Variants in OCA2 observed in about 807,000 individuals in gnomAD.
OCA2 encodes P protein.
OCA2 carries 77 observed loss-of-function variants against 100.2 expected under a neutral mutation model. The observed-to-expected ratio is 0.77, with a 90% CI of 0.64 to 0.93. The LOEUF (loss-of-function observed/expected upper bound fraction) is 0.93. OCA2 is among the 40% of genes least tolerant of loss of function. The pLI is 0.00. For synonymous variants in OCA2, 432 were observed against 439.2 expected, an observed-to-expected ratio of 0.98 and a Z score of 0.21; for missense variants, 1,062 against 1,089.1, an observed-to-expected ratio of 0.98 and a Z score of 0.35.
chr15:27,929,819 T>A (rs2039179851), intron 18 of OCA2, among the ~76,000 whole-genome samples: 1 of 151,502 alleles, frequency 6.6e-6, no homozygotes, highest in African/African-American at 2.4e-5. Flanking sequence ...ACAATTCAAA[T>A]GGGAAATATT....
the OCA2 span, among the ~76,000 whole-genome samples, chr15:27,746,353 C>T: frequency 1.3e-5 from 2 of 151,942 alleles, no homozygotes; most frequent in African/African-American, 2.4e-5. Context: ...CCCAGCTACT[C>T]GGGAGGCTGA....
intron 23 of OCA2, among the ~76,000 whole-genome samples, chr15:27,816,929 T>G (rs2078835306): frequency 1.3e-5 from 2 of 152,166 alleles, no homozygotes. Flanking sequence ...TAAGATGGGC[T>G]GATCACACCC....
chr15:27,885,246 T>C (rs1024918997), intron 19 of OCA2, among the ~76,000 whole-genome samples: 3 of 152,196 alleles, frequency 2.0e-5, no homozygotes, highest in African/African-American at 7.2e-5. Context: ...AACATGAAAT[T>C]ATTATATGCA....
chr15:27,945,242 G>C lies in OCA2; in HGVS notation c.1951+6542C>G, dbSNP rs956613394. 9.2e-5 allele frequency among the ~76,000 whole-genome samples: 14 copies of C among 152,140 alleles called. 1 individual carries two copies. The highest frequency in any genetic ancestry group is 8.5e-4 in the Admixed American group (13 of 15,268). The stretch of plus-strand genomic sequence containing the variant: ...CACTCCAGGCCACATCTCACCACTT[G>C]TTCCCGTCCACCTGCTCAGAATTTC... On this transcript the variant is annotated intron_variant, in intron 18 of 23. Coordinates refer to ENST00000354638, the MANE Select transcript of OCA2 (RefSeq NM_000275.3).
At chr15:27,818,750 G>A (rs2034400233) in intron 23 of OCA2, among the ~76,000 whole-genome samples, 1 of 152,218 alleles carries the variant, frequency 6.6e-6, no homozygotes, top group Admixed American at 6.5e-5. Context: ...CTAAGCAGAA[G>A]AACTGATTGT....
intron 23 of OCA2, among the ~76,000 whole-genome samples, chr15:27,821,620 A>C (rs965500862): frequency 6.8e-6 from 1 of 147,380 alleles, no homozygotes; most frequent in Non-Finnish European, 1.5e-5. Context: ...GTACACATAC[A>C]TGTGTGCACA....
intron 23 of OCA2, among the ~76,000 whole-genome samples, chr15:27,822,012 A>G (rs948509164): frequency 1.3e-5 from 2 of 152,202 alleles, no homozygotes; most frequent in Non-Finnish European, 2.9e-5. Flanking sequence ...CTGTGTTCCA[A>G]TAAAACTTCA....
At chr15:27,890,191 A>C (rs1422701110) in intron 19 of OCA2, among the ~76,000 whole-genome samples, 2 of 152,250 alleles carry the variant, frequency 1.3e-5, no homozygotes, top group East Asian at 3.8e-4. Context: ...GGTGGAATGG[A>C]GCCTCAGGGA....
rs1467022914 is a variant in OCA2 at position 27,989,657 on chromosome 15, G to C, written c.1126C>G (p.Leu376Val). Residue 376 changes from leucine (L) to valine (V), a missense_variant, in exon 11 of 24, where the codon CTG (leucine) becomes GTG (valine). Leu to Val is a conservative substitution (Grantham distance 32). Transcript: ENST00000354638. ...ALAVIGDRPS[L>V]THVVEWIDFE... The stretch of plus-strand genomic sequence containing the variant: ...TCAATCCACTCCACCACATGGGTCA[G>C]GCTGGGTCTCTGCAATCAAAGCACA... 1 of 1,614,126 alleles carries C rather than the reference G, an allele frequency of 6.2e-7. No individual in the cohort carries two copies. The highest frequency in any genetic ancestry group is 1.1e-5 in the South Asian group (1 of 91,086).
intron 14 of OCA2, 21 bp downstream of exon 14, chr15:27,983,324 C>G: frequency 1.2e-6 from 2 of 1,613,980 alleles, no homozygotes; most frequent in Non-Finnish European, 1.7e-6. Context: ...CTGGAAGCAA[C>G]CCTAGCATGC....
chr15:27,927,027 C>T (rs141929292), intron 18 of OCA2, among the ~76,000 whole-genome samples: 52 of 152,302 alleles, frequency 3.4e-4, no homozygotes, highest in African/African-American at 1.1e-3. Context: ...CGATGGCTCA[C>T]GCCTGTAATC....
chr15:27,939,428 A>G (rs978322783), intron 18 of OCA2, among the ~76,000 whole-genome samples: 3 of 152,184 alleles, frequency 2.0e-5, no homozygotes, highest in African/African-American at 7.2e-5. Context: ...TGCTCCCTAG[A>G]TATCATGAAG....
intron 18 of OCA2, among the ~76,000 whole-genome samples, chr15:27,939,834 A>G (rs1248605426): frequency 1.3e-5 from 2 of 152,236 alleles, no homozygotes; most frequent in East Asian, 3.8e-4. Context: ...TCTGCATTAA[A>G]CACGGAATGC....
rs772076517 is a variant in OCA2 at position 28,081,784 on chromosome 15, G to C, written c.91C>G (p.Leu31Val). 6.2e-7 allele frequency: 1 copy of C among 1,613,190 alleles called. No individual in the cohort carries two copies. Among genetic ancestry groups the C allele is most frequent in the Non-Finnish European group, 8.5e-7 (1 of 1,179,870 alleles). ...QTSVPSGLAE[L>V]VAGKRRLPRG... ...GGAAGCCTGCGCTTGCCGGCCACAA[G>C]TTCAGCGAGTCCGCTGGGCACGGAC... is the stretch of plus-strand genomic sequence containing the variant. Residue 31 changes from leucine (L) to valine (V), a missense_variant, in exon 2 of 24, where the codon CTT becomes GTT. By Grantham distance (32) the Leu-to-Val change is conservative. Coordinates refer to ENST00000354638, the MANE Select transcript of OCA2 (RefSeq NM_000275.3).
At chr15:27,872,043 A>C (rs1355133916) in intron 19 of OCA2, 121 bp from the exon 20 acceptor site, 8 of 737,848 alleles carry the variant, frequency 1.1e-5, no homozygotes, top group Non-Finnish European at 1.7e-5. Context: ...CCTGCTTCTT[A>C]TAAAAGATCA....
chr15:27,957,703 T>C lies in OCA2; in HGVS notation c.1669A>G (p.Thr557Ala). 1 of 1,613,082 alleles carries C rather than the reference T, an allele frequency of 6.2e-7. No homozygotes were observed. Among genetic ancestry groups the C allele is most frequent in the Non-Finnish European group, 8.5e-7 (1 of 1,180,000 alleles). Residue 557 changes from threonine to alanine, a missense_variant, in exon 16 of 24, where the codon ACT (threonine) becomes GCT (alanine). Thr to Ala is a moderately conservative substitution (Grantham distance 58, BLOSUM62 0). Transcript: ENST00000354638. This position sits in a 1 kb window ranked among gnomAD's most constrained non-coding sequence, Gnocchi z 4.3. ...LKHEIHVWRL[T>A]AQRISPASRE... ...CTGGCCGGGCTGATGCGCTGAGCAG[T>C]CAGGCGCCAGACGTGAATCTCGTGC...
chr15:27,975,153 C>T (rs2040925780), intron 14 of OCA2, among the ~76,000 whole-genome samples: 1 of 152,116 alleles, frequency 6.6e-6, no homozygotes, highest in Non-Finnish European at 1.5e-5. Context: ...TAAGGGCAGG[C>T]TTAAAATGAT....
chr15:27,832,186 T>C (rs1049970525), intron 23 of OCA2, among the ~76,000 whole-genome samples: 2 of 152,132 alleles, frequency 1.3e-5, no homozygotes, highest in Middle Eastern at 3.2e-3. Flanking sequence ...CATCCCCTCA[T>C]GGCTCACATC....
chr15:27,970,325 G>A (rs11853085), intron 14 of OCA2, among the ~76,000 whole-genome samples: 19,619 of 152,120 alleles, frequency 0.13, 2,867 homozygotes, highest in East Asian at 0.84. Flanking sequence ...GAAATTCAGA[G>A]GGGGCCAGAG....
Sources: allele counts gnomAD v4.1 joint callset (sites outside exome capture counted in the v4.1 genomes callset), GRCh38; gene constraint gnomAD v4.1.1; non-coding constraint Gnocchi (gnomAD v3.1); transcripts MANE v1.5; gene names NCBI Gene and HGNC (gene_info 2026-07-23, HGNC 2026-07-21).